The following ZNF425 variants were observed in gnomAD, a reference collection of about 807,000 sequenced individuals.
ZNF425 encodes the protein zinc finger protein 425.
In ZNF425, 21 loss-of-function variants were observed where a neutral mutation model predicts 17.0. The ratio of observed to expected loss-of-function variants is 1.23; its 90% confidence interval spans 0.88 to 1.78. ZNF425 has a LOEUF of 1.78. Among genes scored for constraint, ZNF425 ranks in the 40% most tolerant of loss-of-function variants. The probability of loss-of-function intolerance (pLI) is 0.00; values close to 1 mark genes in which losing one functional copy is unlikely to be tolerated. For missense variants in ZNF425, 868 were observed against 967.3 expected, an observed-to-expected ratio of 0.90 and a Z score of 1.36; for synonymous variants, 433 against 384.1, an observed-to-expected ratio of 1.13 and a Z score of -1.49.
chr7:149,117,412 C>T (rs1267592840), intron 2 of ZNF425, among the ~76,000 whole-genome samples: 1 of 152,042 alleles, frequency 6.6e-6, no homozygotes, highest in Non-Finnish European at 1.5e-5. Context: ...GCTCTCTCCT[C>T]CCTTCCTCTA....
intron 2 of ZNF425, among the ~76,000 whole-genome samples, chr7:149,114,909 CT>C (rs148037144): frequency 0.046 from 6,642 of 143,194 alleles, 506 homozygotes; most frequent in African/African-American, 0.16. Context: ...TACCAAAATT[CT>C]TTTTTTCTTT....
Position 149,104,290 on chromosome 7 carries a change from G to T in ZNF425, c.1581C>A (p.Ser527=). 1 of 1,613,692 alleles carries T rather than the reference G, an allele frequency of 6.2e-7. No individual in the cohort carries two copies. ...LKVHTTEKPF[S]CAECGRSFRR... ...GGAAACTGCGGCCGCACTCGGCGCA[G>T]GAGAACGGCTTTTCCGTGGTGTGGA... The change falls in exon 4 of 4, where the codon TCC becomes TCA. Residue 527 remains serine (S), a synonymous_variant. Coordinates refer to ENST00000378061, the MANE Select transcript of ZNF425 (RefSeq NM_001001661.3). This position sits in a 1 kb window ranked among gnomAD's most constrained non-coding sequence, Gnocchi z 4.3.
chr7:149,117,899 G>A (rs1056160179), intron 2 of ZNF425, among the ~76,000 whole-genome samples: 37 of 152,042 alleles, frequency 2.4e-4, no homozygotes, highest in Non-Finnish European at 1.6e-4. Context: ...TGATCCACCC[G>A]CCTCAGCCTC....
At chr7:149,125,284 G>C (rs755203647) in intron 1 of ZNF425, among the ~76,000 whole-genome samples, 3 of 152,192 alleles carry the variant, frequency 2.0e-5, no homozygotes, top group African/African-American at 4.8e-5. Flanking sequence ...ATACTTAACT[G>C]AATGTAACAG....
chr7:149,110,168 G>A (rs1348747495), intron 3 of ZNF425, among the ~76,000 whole-genome samples: 3 of 151,664 alleles, frequency 2.0e-5, no homozygotes, highest in Non-Finnish European at 2.9e-5. Flanking sequence ...GAGTCACCGC[G>A]CCTGACCAGG....
intron 3 of ZNF425, among the ~76,000 whole-genome samples, chr7:149,106,185 C>T (rs1826080504): frequency 6.7e-6 from 1 of 149,590 alleles, no homozygotes; most frequent in Admixed American, 6.7e-5. Flanking sequence ...GAATTCCTGA[C>T]CTCCTGATCC....
rs753376500 is a variant in ZNF425 at position 149,104,367 on chromosome 7, C to T, written c.1504G>A (p.Glu502Lys). 8.1e-6 allele frequency: 13 copies of T among 1,611,364 alleles called. No individual in the cohort carries two copies. Among genetic ancestry groups the T allele is most frequent in the Non-Finnish European group, 9.3e-6 (11 of 1,178,800 alleles). ...TGCTGAGAAAAGGTCTTTTTGCACT[C>T]GCCGCAGGGAAACTCCTTCTGCCTG... ...HDRQKEFPCG[E>K]CKKTFSQQSR... The change falls in exon 4 of 4, where the codon GAG (glutamate) becomes AAG (lysine). Residue 502 changes from glutamate (E) to lysine (K), a missense_variant. By Grantham distance (56) the Glu-to-Lys change is moderately conservative (BLOSUM62 1). Transcript: ENST00000378061. This position sits in a 1 kb window ranked among gnomAD's most constrained non-coding sequence, Gnocchi z 4.3.
chr7:149,120,020 C>G (rs1368506866), intron 1 of ZNF425, among the ~76,000 whole-genome samples: 2 of 152,168 alleles, frequency 1.3e-5, no homozygotes, highest in Non-Finnish European at 2.9e-5. Flanking sequence ...CAGACAACTG[C>G]ATCCCATCAC....
At position 149,105,091 on chromosome 7, in the gene ZNF425, G is replaced by T. The variant is rs372880394; in HGVS notation, c.780C>A (p.Ser260Arg). ...TGTGGACAACCTGATGAGTGACGAG[G>T]CTGCCCTTCAGGAAGTAGCTCTTCT... ...ECEKSYFLKG[S>R]LVTHQVVHTG... The change falls in exon 4 of 4, where the codon AGC becomes AGA. Residue 260 changes from serine (S) to arginine (R), a missense_variant. Coordinates refer to ENST00000378061, the MANE Select transcript of ZNF425 (RefSeq NM_001001661.3). The T allele has an allele frequency of 6.2e-7, 1 of 1,614,118 alleles. No individual in the cohort carries two copies. The highest frequency in any genetic ancestry group is 1.3e-5 in the African/African-American group (1 of 74,948).
In ZNF425 at chr7:149,126,036, C is replaced by T. The variant is rs1826461044; in HGVS notation, c.18+160G>A. 6 of 1,421,952 alleles carry T rather than the reference C, an allele frequency of 4.2e-6. No individual in the cohort carries two copies. In the Admixed American group the frequency reaches 7.9e-5, roughly 19 times the overall value. The allele number at this position is 1,421,952 out of a possible 1,614,324, so 88.1% of individuals were successfully genotyped here. A position where few individuals can be genotyped will look rare whatever the true frequency, so the allele number is the denominator to read the frequency against. On this transcript the variant is annotated intron_variant, in intron 1 of 3. Coordinates refer to ENST00000378061, the MANE Select transcript of ZNF425 (RefSeq NM_001001661.3). ...TTCCAGAACAGCACACGCAGCAAGACTGCACCTTCTCCAGCCCAGCCCGGA... is the reference window on the plus strand; with the variant it reads ...TTCCAGAACAGCACACGCAGCAAGATTGCACCTTCTCCAGCCCAGCCCGGA...
chr7:149,110,687 A>T (rs966409529), intron 3 of ZNF425, among the ~76,000 whole-genome samples: 22 of 152,130 alleles, frequency 1.4e-4, no homozygotes, highest in African/African-American at 4.8e-4. Flanking sequence ...AATAAAAAAA[A>T]TTTTGTACAA....
intron 3 of ZNF425, among the ~76,000 whole-genome samples, chr7:149,108,629 C>T (rs989145305): frequency 2.0e-5 from 3 of 152,148 alleles, no homozygotes; most frequent in Non-Finnish European, 2.9e-5. Flanking sequence ...TGTGGTGGCT[C>T]ACGCCTGTAA....
chr7:149,122,550 T>C (rs1450590947), intron 1 of ZNF425, among the ~76,000 whole-genome samples: 1 of 152,002 alleles, frequency 6.6e-6, no homozygotes, highest in Non-Finnish European at 1.5e-5. Flanking sequence ...TTATGTCCAA[T>C]TTATCACTTT....
intron 3 of ZNF425, among the ~76,000 whole-genome samples, chr7:149,106,980 G>A (rs1287968607): frequency 1.3e-5 from 2 of 151,766 alleles, no homozygotes; most frequent in Non-Finnish European, 2.9e-5. Flanking sequence ...GGTTATGTGC[G>A]CCTGTAGTCC....
chr7:149,114,638 C>G (rs1263912612), intron 2 of ZNF425, among the ~76,000 whole-genome samples: 1 of 151,682 alleles, frequency 6.6e-6, no homozygotes, highest in African/African-American at 2.4e-5. Flanking sequence ...ACCTCATGAT[C>G]CACTCACCTT....
At chr7:149,126,079 C>T in intron 1 of ZNF425, 117 bp downstream of exon 1, 1 of 1,565,696 alleles carries the variant, frequency 6.4e-7, no homozygotes. Flanking sequence ...CCGTGGGCCA[C>T]TGCCAACCCC....
chr7:149,125,947 C>T (rs2129518817), intron 1 of ZNF425: 2 of 707,274 alleles, frequency 2.8e-6, no homozygotes, highest in African/African-American at 3.6e-5. Flanking sequence ...CTCAGCCTTC[C>T]GAGTGGCCGG....
At chr7:149,118,405 A>C in intron 1 of ZNF425, 57 bp from the exon 2 acceptor site, 1 of 1,585,792 alleles carries the variant, frequency 6.3e-7, no homozygotes, top group Non-Finnish European at 8.7e-7. Context: ...TTTGTTTTTC[A>C]ATGTCCATTA....
chr7:149,126,070 C>T (rs915791293), intron 1 of ZNF425, 126 bp downstream of exon 1: 65 of 1,539,254 alleles, frequency 4.2e-5, no homozygotes, highest in Admixed American at 2.3e-4. Flanking sequence ...GAGCTCAGTC[C>T]GTGGGCCACT....
Sources: allele counts gnomAD v4.1 joint callset (sites outside exome capture counted in the v4.1 genomes callset), GRCh38; gene constraint gnomAD v4.1.1; non-coding constraint Gnocchi (gnomAD v3.1); transcripts MANE v1.5; gene names NCBI Gene and HGNC (gene_info 2026-07-23, HGNC 2026-07-21).